The following CCDC88C variants were observed in gnomAD, a reference collection of about 807,000 sequenced individuals.
CCDC88C encodes coiled-coil and HOOK domain protein 88C, also known as protein Daple.
In CCDC88C, 131 loss-of-function variants were observed where a neutral mutation model predicts 198.8. The observed-to-expected ratio is 0.66, with a 90% CI of 0.57 to 0.76. The LOEUF is 0.76. Ranked by LOEUF, CCDC88C falls within the 30% of genes least tolerant of loss-of-function variation. The pLI is 0.00. For missense variants in CCDC88C, 2,553 were observed against 2,631.6 expected (o/e 0.97, Z 0.65); for synonymous variants, 1,166 against 1,114.7 (o/e 1.05, Z -0.92).
intron 2 of CCDC88C, among the ~76,000 whole-genome samples, chr14:91,411,089 C>A (rs1478018625): frequency 6.6e-6 from 1 of 152,174 alleles, no homozygotes; most frequent in Non-Finnish European, 1.5e-5. Flanking sequence ...AGTAATTAAG[C>A]TACTTACCGT....
intron 3 of CCDC88C, among the ~76,000 whole-genome samples, chr14:91,402,099 A>T (rs1197105862): frequency 6.6e-6 from 1 of 151,928 alleles, no homozygotes; most frequent in Admixed American, 6.6e-5. Flanking sequence ...ACTTAGCGAG[A>T]CCTTGCTTCT....
chr14:91,341,027 C>T (rs1017421071), intron 6 of CCDC88C, among the ~76,000 whole-genome samples: 1 of 151,874 alleles, frequency 6.6e-6, no homozygotes, highest in African/African-American at 2.4e-5. Flanking sequence ...TAAAAAAAGA[C>T]AAACCCATAA....
intron 25 of CCDC88C, among the ~76,000 whole-genome samples, chr14:91,286,259 C>A (rs1890406260): frequency 1.3e-5 from 2 of 152,200 alleles, no homozygotes; most frequent in South Asian, 4.1e-4. Flanking sequence ...CCCGTTCCCA[C>A]TCAAAGACCT....
intron 10 of CCDC88C, among the ~76,000 whole-genome samples, chr14:91,327,654 G>C (rs1013008116): frequency 1.3e-5 from 2 of 152,234 alleles, no homozygotes. Flanking sequence ...CGAGGGGCTT[G>C]TGTGGGTGAG....
chr14:91,354,246 C>T (rs888434529), intron 4 of CCDC88C, among the ~76,000 whole-genome samples: 5 of 152,212 alleles, frequency 3.3e-5, no homozygotes, highest in Non-Finnish European at 7.3e-5. Context: ...TGTGATTCAT[C>T]GCAGAAAGTA....
At chr14:91,394,006 T>C (rs1217433679) in intron 3 of CCDC88C, among the ~76,000 whole-genome samples, 5 of 152,326 alleles carry the variant, frequency 3.3e-5, no homozygotes, top group Admixed American at 2.6e-4. Context: ...AATTCCACAC[T>C]TTAAAGGCAC....
chr14:91,301,004 T>C (rs1053600247), intron 20 of CCDC88C, among the ~76,000 whole-genome samples: 2 of 152,360 alleles, frequency 1.3e-5, no homozygotes, highest in South Asian at 2.1e-4. Context: ...CTGGGGTTTC[T>C]GGCCTTTCTC....
intron 4 of CCDC88C, among the ~76,000 whole-genome samples, chr14:91,347,861 G>T (rs1460718915): frequency 2.0e-5 from 3 of 152,194 alleles, no homozygotes; most frequent in Non-Finnish European, 4.4e-5. Context: ...TATAAATCAT[G>T]CTGCTATAAA....
At chr14:91,380,517 C>G (rs1421483167) in intron 3 of CCDC88C, among the ~76,000 whole-genome samples, 1 of 145,102 alleles carries the variant, frequency 6.9e-6, no homozygotes, top group African/African-American at 2.6e-5. Flanking sequence ...CCCCTGTATA[C>G]CCTCCAATTC....
At chr14:91,282,770 T>G (rs1360904959) in intron 26 of CCDC88C, among the ~76,000 whole-genome samples, 1 of 152,176 alleles carries the variant, frequency 6.6e-6, no homozygotes, top group Admixed American at 6.5e-5. Context: ...AGAGACGCTA[T>G]CCTTTCTTGG....
At position 91,283,345 on chromosome 14, in the gene CCDC88C, G is replaced by T; in HGVS notation, c.4614C>A (p.His1538Gln). 1 of 1,613,612 alleles carries T rather than the reference G, an allele frequency of 6.2e-7. No individual in the cohort carries two copies. Among genetic ancestry groups the T allele is most frequent in the South Asian group, 1.1e-5 (1 of 90,996 alleles). The change falls in exon 26 of 30, where the codon CAC becomes CAA. Residue 1538 changes from histidine to glutamine, a missense_variant. Coordinates refer to ENST00000389857, the MANE Select transcript of CCDC88C (RefSeq NM_001080414.4). ...GTGACTCACCTTTGGTGCGGCCTGG[G>T]TGCCGGGCGATGGGGGTGGAGTTGG... Reference protein sequence around the residue: ...APSNSTPIARHPGRTKGYNSD... With the variant: ...APSNSTPIARQPGRTKGYNSD...
chr14:91,372,905 C>A (rs538180977), intron 3 of CCDC88C, among the ~76,000 whole-genome samples: 13 of 152,320 alleles, frequency 8.5e-5, no homozygotes, highest in South Asian at 6.2e-4. Context: ...GAGGTGCTGG[C>A]TGAACCTGAG....
chr14:91,411,148 A>C (rs1168301945), intron 2 of CCDC88C, among the ~76,000 whole-genome samples: 1 of 152,192 alleles, frequency 6.6e-6, no homozygotes, highest in Non-Finnish European at 1.5e-5. Flanking sequence ...GTAGAGAGCT[A>C]TCAGGACACT....
At chr14:91,304,360 G>A (rs1891471684) in intron 19 of CCDC88C, among the ~76,000 whole-genome samples, 1 of 152,116 alleles carries the variant, frequency 6.6e-6, no homozygotes, top group Admixed American at 6.5e-5. Context: ...AAGCAGGAGG[G>A]TCACTTGAAC....
At chr14:91,310,869 C>T (rs1891789392) in intron 15 of CCDC88C, among the ~76,000 whole-genome samples, 1 of 152,188 alleles carries the variant, frequency 6.6e-6, no homozygotes, top group African/African-American at 2.4e-5. Flanking sequence ...CTACCAAATC[C>T]TCAGACCTGA....
chr14:91,396,943 C>A (rs575381785), intron 3 of CCDC88C, among the ~76,000 whole-genome samples: 4 of 151,892 alleles, frequency 2.6e-5, no homozygotes, highest in Admixed American at 6.5e-5. Flanking sequence ...AAGGTCGAGG[C>A]TGCAGTAAGC....
chr14:91,324,593 C>T lies in CCDC88C; in HGVS notation c.1342+186G>A, dbSNP rs576365525. On this transcript the variant is annotated intron_variant, in intron 12 of 29. Coordinates refer to ENST00000389857, the MANE Select transcript of CCDC88C (RefSeq NM_001080414.4). ...TTTTGCGTCCTGACATCAAGGCTGC[C>T]AGACCCCTCGTGTCTTCCCTGGGGA... Among the ~76,000 whole-genome samples, 3 of 152,358 alleles carry T rather than the reference C, an allele frequency of 2.0e-5. No homozygotes were observed. In the South Asian group the frequency reaches 6.2e-4, roughly 32 times the overall value.
chr14:91,293,553 C>CTCA (rs1567055867), intron 23 of CCDC88C, among the ~76,000 whole-genome samples: 2 of 50,204 alleles, frequency 4.0e-5, no homozygotes, highest in Admixed American at 2.0e-4. Context: ...CCTTCCTGTC[C>CTCA]CCTCGCCTGC....
intron 13 of CCDC88C, among the ~76,000 whole-genome samples, chr14:91,319,309 G>A (rs1170504616): frequency 2.0e-5 from 3 of 152,318 alleles, no homozygotes; most frequent in Middle Eastern, 3.4e-3. Flanking sequence ...CTTAACTGTA[G>A]AACAAGACTG....
Sources: gnomAD v4.1 joint callset for allele counts (sites outside exome capture counted in the v4.1 genomes callset) on GRCh38, gnomAD v4.1.1 for gene constraint, MANE v1.5 for transcripts, NCBI Gene and HGNC (gene_info 2026-07-23, HGNC 2026-07-21) for gene names.